Variants in LRP6 observed in about 807,000 individuals in gnomAD.
LRP6 encodes low-density lipoprotein receptor-related protein 6.
In LRP6, 43 loss-of-function variants were observed where a neutral mutation model predicts 184.1. The observed-to-expected ratio is 0.23, with a 90% CI of 0.18 to 0.30. The LOEUF (loss-of-function observed/expected upper bound fraction) is 0.30. Among genes scored for constraint, LRP6 ranks in the 10% least tolerant of loss-of-function variants. LRP6 has a pLI of 1.00. For missense variants in LRP6, 1,571 were observed against 2,005.3 expected (o/e 0.78, Z 4.14); for synonymous variants, 719 against 684.9 (o/e 1.05, Z -0.78).
chr12:12,176,664 G>T (rs919636689), intron 7 of LRP6, among the ~76,000 whole-genome samples: 2 of 152,084 alleles, frequency 1.3e-5, no homozygotes, highest in East Asian at 3.9e-4. Context: ...CTGATCTAAA[G>T]AATTTCCACT....
Position 12,120,697 on chromosome 12 carries a change from T to C in LRP6, c.*429A>G, listed in dbSNP as rs1949593293. 6.5e-6 allele frequency: 1 copy of C among 154,428 alleles called. No homozygotes were observed. The highest frequency in any genetic ancestry group is 1.9e-4 in the East Asian group (1 of 5,230). 9.6% of individuals were successfully genotyped at this position (154,428 alleles called of 1,614,324 possible). A position where few individuals can be genotyped will look rare whatever the true frequency, so the allele number is the denominator to read the frequency against. On this transcript the variant is annotated 3_prime_UTR_variant, in exon 23 of 23. Transcript: ENST00000261349. ...TGAAGGCTATCTGGCTACATCCATGTATCTATGGTTTGCTGCTCTGAGATG... is the reference window on the plus strand; with the variant it reads ...TGAAGGCTATCTGGCTACATCCATGCATCTATGGTTTGCTGCTCTGAGATG...
chr12:12,155,162 C>T, intron 12 of LRP6: 1 of 491,788 alleles, frequency 2.0e-6, no homozygotes, highest in Non-Finnish European at 3.8e-6. Flanking sequence ...CGCCACTTTA[C>T]TCCAGCCTGG....
At chr12:12,235,085 T>C (rs555751805) in intron 2 of LRP6, among the ~76,000 whole-genome samples, 6 of 152,240 alleles carry the variant, frequency 3.9e-5, no homozygotes, top group Middle Eastern at 3.4e-3. Context: ...TTTTTACTGT[T>C]AGGAACATGT....
intron 15 of LRP6, among the ~76,000 whole-genome samples, chr12:12,144,780 G>A (rs542254488): frequency 6.6e-6 from 1 of 152,168 alleles, no homozygotes; most frequent in East Asian, 1.9e-4. Flanking sequence ...GGATGAAGCT[G>A]GAAACCATCA....
chr12:12,136,223 G>A (rs949631873), intron 16 of LRP6, among the ~76,000 whole-genome samples: 2 of 152,224 alleles, frequency 1.3e-5, no homozygotes, highest in Non-Finnish European at 2.9e-5. Context: ...TAGGGAGAAT[G>A]CTGAAACTTG....
At chr12:12,253,107 T>C (rs60507332) in intron 1 of LRP6, among the ~76,000 whole-genome samples, 1,604 of 152,018 alleles carry the variant, frequency 0.011, 20 homozygotes, top group African/African-American at 0.037. Flanking sequence ...CTACCAAAAA[T>C]ATAAAAATTA....
intron 12 of LRP6, among the ~76,000 whole-genome samples, chr12:12,152,509 A>T (rs1950096019): frequency 6.6e-6 from 1 of 151,372 alleles, no homozygotes; most frequent in Non-Finnish European, 1.5e-5. Flanking sequence ...CTGGTCTCGA[A>T]CTCCTGACCT....
rs775342520 is a variant in LRP6 at position 12,147,347 on chromosome 12, A to C, written c.3397+19T>G. 1.1e-5 allele frequency: 17 copies of C among 1,612,752 alleles called. No individual in the cohort carries two copies. The highest frequency in any genetic ancestry group is 1.4e-5 in the Non-Finnish European group (16 of 1,178,922). Reference sequence around the variant, plus strand: ...CTTAAAAACTCAAATTAAAATAAGGAAACATATTTCTTGGGTACCTGAGAG... The same window carrying C: ...CTTAAAAACTCAAATTAAAATAAGGCAACATATTTCTTGGGTACCTGAGAG... On this transcript the variant is annotated intron_variant, in intron 15 of 22. Coordinates refer to ENST00000261349, the MANE Select transcript of LRP6 (RefSeq NM_002336.3).
At chr12:12,138,601 T>C in intron 15 of LRP6, 67 bp from the exon 16 acceptor site, 1 of 1,413,006 alleles carries the variant, frequency 7.1e-7, no homozygotes, top group Admixed American at 1.7e-5. Context: ...GGTAATTATT[T>C]ACTGACTACC....
At chr12:12,155,679 C>T in intron 12 of LRP6, 1 of 954,098 alleles carries the variant, frequency 1.0e-6, no homozygotes, top group Non-Finnish European at 1.7e-6. Context: ...AACTGAAGCG[C>T]CAGCCTGCTC....
chr12:12,228,922 G>T (rs1170083991), intron 2 of LRP6, among the ~76,000 whole-genome samples: 2 of 152,176 alleles, frequency 1.3e-5, no homozygotes, highest in African/African-American at 4.8e-5. Flanking sequence ...TGCATTCAAG[G>T]ATGCAGCACT....
chr12:12,167,915 C>A (rs1423208536), intron 7 of LRP6, among the ~76,000 whole-genome samples: 1 of 152,030 alleles, frequency 6.6e-6, no homozygotes, highest in East Asian at 1.9e-4. Flanking sequence ...CACTGTTAAA[C>A]TGAAGACAAA....
intron 10 of LRP6, among the ~76,000 whole-genome samples, chr12:12,161,769 T>G (rs2136944143): frequency 6.6e-6 from 1 of 152,286 alleles, no homozygotes; most frequent in Non-Finnish European, 1.5e-5. Flanking sequence ...CCATTTTGAA[T>G]TAATAAATAC....
At chr12:12,145,272 C>T (rs1330006060) in intron 15 of LRP6, among the ~76,000 whole-genome samples, 1 of 151,758 alleles carries the variant, frequency 6.6e-6, no homozygotes, top group Non-Finnish European at 1.5e-5. Flanking sequence ...GTGTGCCTAA[C>T]TGTCTGGAAT....
intron 3 of LRP6, among the ~76,000 whole-genome samples, chr12:12,190,824 T>C (rs902111176): frequency 2.6e-5 from 4 of 152,074 alleles, no homozygotes; most frequent in African/African-American, 9.7e-5. Flanking sequence ...TGTAATAATA[T>C]CTAAGAAGAC....
At chr12:12,262,206 C>T (rs1452037912) in intron 1 of LRP6, among the ~76,000 whole-genome samples, 1 of 152,066 alleles carries the variant, frequency 6.6e-6, no homozygotes, top group Non-Finnish European at 1.5e-5. Context: ...TGGTGAAAGC[C>T]CGTCTCTACT....
chr12:12,179,375 G>GAT (rs1555112339), intron 7 of LRP6, among the ~76,000 whole-genome samples: 631 of 41,768 alleles, frequency 0.015, 6 homozygotes, highest in African/African-American at 0.029. Context: ...TATAGATATA[G>GAT]ATATAGATAT....
chr12:12,117,114 A>G lies in LRP6; in HGVS notation c.*4012T>C, dbSNP rs1365330961. 1 of 152,224 alleles carries G rather than the reference A, an allele frequency of 6.6e-6. No homozygotes were observed. The highest frequency in any genetic ancestry group is 2.4e-5 in the African/African-American group (1 of 41,466). The allele number at this position is 152,224 out of a possible 1,614,324, so 9.4% of individuals were successfully genotyped here. ...CACACATGCACTACAAGTACTTTCTAAAATCATCTTTCACTACAAGTACTT... is the reference window on the plus strand; with the variant it reads ...CACACATGCACTACAAGTACTTTCTGAAATCATCTTTCACTACAAGTACTT... On this transcript the variant is annotated 3_prime_UTR_variant, in exon 23 of 23. Coordinates refer to ENST00000261349, the MANE Select transcript of LRP6 (RefSeq NM_002336.3).
intron 12 of LRP6, among the ~76,000 whole-genome samples, chr12:12,158,161 T>C (rs1163118440): frequency 6.6e-6 from 1 of 152,212 alleles, no homozygotes; most frequent in African/African-American, 2.4e-5. Context: ...ATTTAAATTT[T>C]TTATGACTGT....
Sources: gnomAD v4.1 joint callset for allele counts (sites outside exome capture counted in the v4.1 genomes callset) on GRCh38, gnomAD v4.1.1 for gene constraint, MANE v1.5 for transcripts, NCBI Gene and HGNC (gene_info 2026-07-23, HGNC 2026-07-21) for gene names.